Variants in DOCK2 observed in about 807,000 individuals in gnomAD.
DOCK2 encodes the protein dedicator of cytokinesis protein 2.
DOCK2 carries 87 observed loss-of-function variants against 248.9 expected under a neutral mutation model. The observed-to-expected ratio is 0.35, with a 90% CI of 0.29 to 0.42. The LOEUF (loss-of-function observed/expected upper bound fraction) is 0.42, where lower values mean the gene tolerates loss of function less well. Ranked by LOEUF, DOCK2 falls within the 10% of genes least tolerant of loss-of-function variation. DOCK2 has a pLI of 1.00. For missense variants in DOCK2, 1,747 were observed against 2,300.2 expected (o/e 0.76, Z 4.92); for synonymous variants, 805 against 821.6 (o/e 0.98, Z 0.35).
At chr5:170,047,051 G>C (rs530932355) in intron 39 of DOCK2, among the ~76,000 whole-genome samples, 6 of 152,190 alleles carry the variant, frequency 3.9e-5, no homozygotes, top group Non-Finnish European at 8.8e-5. Flanking sequence ...TCTTAGAATA[G>C]ATGAAATGTC....
rs1016634625 is a variant in DOCK2 at position 169,763,470 on chromosome 5, C to T, written c.2554+1845C>T. On this transcript the variant is annotated intron_variant, in intron 25 of 51. Transcript: ENST00000520908. The surrounding 1 kb of genome is among the most constrained non-coding windows in gnomAD (Gnocchi z 4.1). ...AGAGCTGCTGTCATTGTCAGGGGCC[C>T]GGCTTGGCATCAAGGCCAGATGGAG... Among the ~76,000 whole-genome samples, 38 of 152,206 alleles carry T rather than the reference C, an allele frequency of 2.5e-4. No homozygotes were observed. Among genetic ancestry groups the T allele is most frequent in the Non-Finnish European group, 4.4e-4 (30 of 68,042 alleles).
intron 27 of DOCK2, among the ~76,000 whole-genome samples, chr5:169,878,223 C>T (rs75371428): frequency 0.023 from 3,444 of 152,208 alleles, 128 homozygotes; most frequent in African/African-American, 0.079. Flanking sequence ...TGAAAAGGAG[C>T]CGATTCCTTA....
chr5:169,957,650 C>A (rs538953701), intron 27 of DOCK2, among the ~76,000 whole-genome samples: 1 of 152,140 alleles, frequency 6.6e-6, no homozygotes, highest in Non-Finnish European at 1.5e-5. Flanking sequence ...AGAGGCAATG[C>A]GCGAGGAAGC....
intron 25 of DOCK2, among the ~76,000 whole-genome samples, chr5:169,790,896 A>C (rs544269336): frequency 6.6e-6 from 1 of 152,170 alleles, no homozygotes; most frequent in Admixed American, 6.5e-5. Context: ...CCAAAGCTCT[A>C]CTTACTATGC....
intron 25 of DOCK2, among the ~76,000 whole-genome samples, chr5:169,776,359 C>T (rs1765384243): frequency 6.6e-6 from 1 of 151,964 alleles, no homozygotes; most frequent in Non-Finnish European, 1.5e-5. Flanking sequence ...GGGACAGGGT[C>T]TCACTACATT....
intron 22 of DOCK2, among the ~76,000 whole-genome samples, chr5:169,737,565 C>T (rs1286760477): frequency 1.3e-5 from 2 of 152,072 alleles, no homozygotes; most frequent in African/African-American, 4.8e-5. Flanking sequence ...TGAGGGGTGG[C>T]CATCTGAAAG....
In DOCK2 at chr5:169,860,607, T is replaced by C. The variant is rs535907360; in HGVS notation, c.2799+19755T>C. Reference sequence around the variant, plus strand: ...TTGTTTTTGTTATTGTTTCTCTAAATTGATGTTTCCCAAAGTGGGAGACTC... The same window carrying C: ...TTGTTTTTGTTATTGTTTCTCTAAACTGATGTTTCCCAAAGTGGGAGACTC... On this transcript the variant is annotated intron_variant, in intron 27 of 51. Coordinates refer to ENST00000520908, the MANE Select transcript of DOCK2 (RefSeq NM_004946.3). 4.9e-4 allele frequency among the ~76,000 whole-genome samples: 75 copies of C among 152,346 alleles called. 1 individual carries two copies. In the South Asian group the frequency reaches 0.014, roughly 28 times the overall value.
intron 27 of DOCK2, chr5:169,881,261 C>G (rs1414460345): frequency 2.3e-6 from 2 of 875,438 alleles, no homozygotes; most frequent in Non-Finnish European, 3.7e-6. Flanking sequence ...AGTTAAATAC[C>G]TTGTTTTTGC....
rs893987798 is a variant in DOCK2, at chr5:169,674,324, G to T, written c.349G>T (p.Val117Leu). ...CAGCAAAAAGGAGCGTTTTCTCCAGGTGCAGTCCATGATGTACGATCTGAT... is the reference window on the plus strand; with the variant it reads ...CAGCAAAAAGGAGCGTTTTCTCCAGTTGCAGTCCATGATGTACGATCTGAT... Reference protein sequence around the residue: ...VASKKERFLQVQSMMYDLMEW... With the variant: ...VASKKERFLQLQSMMYDLMEW... Residue 117 changes from valine to leucine, a missense_variant, in exon 6 of 52, where the codon GTG becomes TTG. Val to Leu is a conservative substitution (Grantham distance 32). Transcript: ENST00000520908. 1.9e-6 allele frequency: 3 copies of T among 1,614,070 alleles called. No individual in the cohort carries two copies. The highest frequency in any genetic ancestry group is 2.5e-6 in the Non-Finnish European group (3 of 1,180,000).
At chr5:170,000,727 C>T (rs1754801774) in intron 30 of DOCK2, among the ~76,000 whole-genome samples, 1 of 152,184 alleles carries the variant, frequency 6.6e-6, no homozygotes, top group Admixed American at 6.5e-5. Flanking sequence ...CATTCTCTCT[C>T]CTTGGGGATG....
At chr5:169,959,506 T>G (rs573175730) in intron 27 of DOCK2, among the ~76,000 whole-genome samples, 1 of 152,350 alleles carries the variant, frequency 6.6e-6, no homozygotes, top group African/African-American at 2.4e-5. Flanking sequence ...GGAAGAACTT[T>G]CTAACAATTC....
rs915890286 is a variant in DOCK2 at position 169,840,974 on chromosome 5, G to A, written c.2799+122G>A. On this transcript the variant is annotated intron_variant, in intron 27 of 51. Coordinates refer to ENST00000520908, the MANE Select transcript of DOCK2 (RefSeq NM_004946.3). Reference sequence around the variant, plus strand: ...GATCATTGCTTTGTTTTGGAGTAGGGTGACCAGATTTTTCCTGTCTGAGTT... The same window carrying A: ...GATCATTGCTTTGTTTTGGAGTAGGATGACCAGATTTTTCCTGTCTGAGTT... The A allele has an allele frequency of 2.9e-5, 32 of 1,110,748 alleles. No individual in the cohort carries two copies. The African/African-American group carries it at 4.2e-4, about 15-fold the overall frequency. The allele number at this position is 1,110,748 out of a possible 1,614,324, so 68.8% of individuals were successfully genotyped here. A position where few individuals can be genotyped will look rare whatever the true frequency, so the allele number is the denominator to read the frequency against.
chr5:169,796,363 A>C (rs897109394), intron 25 of DOCK2, among the ~76,000 whole-genome samples: 1 of 152,168 alleles, frequency 6.6e-6, no homozygotes, highest in Non-Finnish European at 1.5e-5. Flanking sequence ...TTCTCTCAAC[A>C]TGAGTTTCAT....
chr5:169,661,713 A>G (rs1758457626), intron 2 of DOCK2, among the ~76,000 whole-genome samples: 1 of 152,178 alleles, frequency 6.6e-6, no homozygotes, highest in South Asian at 2.1e-4. Flanking sequence ...GAAATAATGC[A>G]ATACTTTCTG....
intron 27 of DOCK2, among the ~76,000 whole-genome samples, chr5:169,925,893 C>T (rs1188773834): frequency 6.6e-6 from 1 of 152,110 alleles, no homozygotes; most frequent in Non-Finnish European, 1.5e-5. Context: ...GGCAGCTGGG[C>T]CTGTTTTAGG....
At chr5:170,058,642 G>T (rs1490140587) in intron 44 of DOCK2, among the ~76,000 whole-genome samples, 1 of 152,172 alleles carries the variant, frequency 6.6e-6, no homozygotes, top group Admixed American at 6.5e-5. Flanking sequence ...GTCCAGATCA[G>T]AACAAGTGAG....
intron 26 of DOCK2, among the ~76,000 whole-genome samples, chr5:169,810,761 G>GC (rs1253040747): frequency 1.3e-5 from 2 of 152,064 alleles, no homozygotes; most frequent in Non-Finnish European, 2.9e-5. Flanking sequence ...CTTAGCGCAA[G>GC]CGACTCCATC....
At chr5:169,866,661 G>A (rs1771581848) in intron 27 of DOCK2, among the ~76,000 whole-genome samples, 1 of 152,216 alleles carries the variant, frequency 6.6e-6, no homozygotes, top group Non-Finnish European at 1.5e-5. Flanking sequence ...ATCAGTAGCT[G>A]TTAGAGACCT....
chr5:169,669,468 C>G (rs1758919103), intron 3 of DOCK2, 140 bp downstream of exon 3: 1 of 886,402 alleles, frequency 1.1e-6, no homozygotes, highest in Admixed American at 2.2e-5. Flanking sequence ...TGCTCTCTGA[C>G]CTCTGTGCCT....
Sources: allele counts gnomAD v4.1 joint callset (sites outside exome capture counted in the v4.1 genomes callset), GRCh38; gene constraint gnomAD v4.1.1; non-coding constraint Gnocchi (gnomAD v3.1); transcripts MANE v1.5; gene names NCBI Gene and HGNC (gene_info 2026-07-23, HGNC 2026-07-21).